The following ZNF536 variants were observed in gnomAD, a reference collection of about 807,000 sequenced individuals.
The protein encoded by ZNF536 is zinc finger protein 536.
ZNF536 carries 13 observed loss-of-function variants against 84.5 expected under a neutral mutation model. The observed-to-expected ratio is 0.15, with a 90% CI of 0.10 to 0.24. The LOEUF is 0.24. ZNF536 is among the 10% of genes least tolerant of loss of function. The pLI is 1.00. For synonymous variants in ZNF536, 811 were observed against 742.5 expected (o/e 1.09, Z -1.50); for missense variants, 1,536 against 1,747.5 (o/e 0.88, Z 2.16).
chr19:30,692,623 C>G (rs984402342), intron 1 of ZNF536, among the ~76,000 whole-genome samples: 9 of 152,240 alleles, frequency 5.9e-5, no homozygotes, highest in African/African-American at 2.2e-4. Context: ...TGGGCGAAAT[C>G]CGTCACGTCT....
At chr19:30,501,034 G>A (rs1412153650) in intron 2 of ZNF536, among the ~76,000 whole-genome samples, 1 of 152,154 alleles carries the variant, frequency 6.6e-6, no homozygotes, top group African/African-American at 2.4e-5. Context: ...TAGAGTTTCA[G>A]CTTTCTTACC....
chr19:30,253,734 G>A (rs944625945), intron 1 of ZNF536, among the ~76,000 whole-genome samples: 1 of 152,086 alleles, frequency 6.6e-6, no homozygotes, highest in African/African-American at 2.4e-5. Flanking sequence ...GTGGGGTGGC[G>A]CCGACAGCTC....
chr19:30,662,537 TG>T (rs58201416), intron 1 of ZNF536, among the ~76,000 whole-genome samples: 246 of 151,744 alleles, frequency 1.6e-3, no homozygotes, highest in Middle Eastern at 3.4e-3. Context: ...CTCCCGCAGA[TG>T]GGGGGGGATA....
intron 2 of ZNF536, among the ~76,000 whole-genome samples, chr19:30,481,734 T>G (rs1181086151): frequency 6.6e-6 from 1 of 152,164 alleles, no homozygotes; most frequent in African/African-American, 2.4e-5. Context: ...ATGGGTAAGT[T>G]GTTTAGTGGT....
chr19:30,318,526 C>G (rs1333694611), intron 2 of ZNF536, among the ~76,000 whole-genome samples: 2 of 152,196 alleles, frequency 1.3e-5, no homozygotes, highest in Non-Finnish European at 2.9e-5. Flanking sequence ...TGCAGAGAGG[C>G]CTTGGAGTTT....
chr19:30,682,504 G>A (rs922834342), intron 1 of ZNF536, among the ~76,000 whole-genome samples: 1 of 152,198 alleles, frequency 6.6e-6, no homozygotes, highest in Non-Finnish European at 1.5e-5. Context: ...GCTGGCAGAA[G>A]GAGGCAATTC....
intron 2 of ZNF536, among the ~76,000 whole-genome samples, chr19:30,487,575 A>G (rs4804932): frequency 0.07 from 10,692 of 151,728 alleles, 479 homozygotes; most frequent in East Asian, 0.18. Context: ...TCTTTTGTCC[A>G]TATGTTTTAT....
chr19:30,405,635 GTGT>G (rs2050232213), intron 1 of ZNF536, among the ~76,000 whole-genome samples: 1 of 152,148 alleles, frequency 6.6e-6, no homozygotes, highest in African/African-American at 2.4e-5. Flanking sequence ...TATGGGCGCA[GTGT>G]TGTAGTCTAG....
intron 2 of ZNF536, among the ~76,000 whole-genome samples, chr19:30,303,063 T>C (rs2046237401): frequency 6.6e-6 from 1 of 152,254 alleles, no homozygotes; most frequent in Non-Finnish European, 1.5e-5. Flanking sequence ...TTGGTGGTTC[T>C]GGCTCAATGG....
At chr19:30,234,227 T>C (rs10407916) in intron 1 of ZNF536, among the ~76,000 whole-genome samples, 97,034 of 151,850 alleles carry the variant, frequency 0.64, 31,077 homozygotes, top group Admixed American at 0.7. Flanking sequence ...CATTACAGCT[T>C]TGATTACCTG....
chr19:30,299,373 G>T (rs1480118647), intron 2 of ZNF536, among the ~76,000 whole-genome samples: 1 of 152,204 alleles, frequency 6.6e-6, no homozygotes, highest in African/African-American at 2.4e-5. Flanking sequence ...AAGACACAAA[G>T]GGATAGCCAA....
intron 1 of ZNF536, among the ~76,000 whole-genome samples, chr19:30,625,984 G>A (rs2048661621): frequency 6.6e-6 from 1 of 152,140 alleles, no homozygotes; most frequent in Non-Finnish European, 1.5e-5. Context: ...TTCCACACAT[G>A]TGGGCAAGAG....
At chr19:30,546,441 G>C (rs904413199) in intron 3 of ZNF536, among the ~76,000 whole-genome samples, 2 of 152,114 alleles carry the variant, frequency 1.3e-5, no homozygotes, top group African/African-American at 4.8e-5. Context: ...ATAGCAACTG[G>C]CACCCTTGTT....
chr19:30,694,454 G>A (rs1315071301), intron 1 of ZNF536, among the ~76,000 whole-genome samples: 5 of 152,164 alleles, frequency 3.3e-5, no homozygotes, highest in African/African-American at 1.2e-4. Context: ...TTAGTTGAGA[G>A]TGGTACAAAG....
At chr19:30,324,998 A>G (rs993075216) in intron 2 of ZNF536, among the ~76,000 whole-genome samples, 2 of 152,190 alleles carry the variant, frequency 1.3e-5, no homozygotes, top group African/African-American at 4.8e-5. Flanking sequence ...ACCCAAAGTC[A>G]TACAATGGGT....
intron 1 of ZNF536, among the ~76,000 whole-genome samples, chr19:30,625,312 T>A (rs920066958): frequency 6.6e-6 from 1 of 152,156 alleles, no homozygotes; most frequent in Non-Finnish European, 1.5e-5. Context: ...AAGCATTGGA[T>A]CTCAAAAATC....
At chr19:30,231,858 G>T (rs2023078510) in intron 1 of ZNF536, among the ~76,000 whole-genome samples, 1 of 152,076 alleles carries the variant, frequency 6.6e-6, no homozygotes. Flanking sequence ...GGTGCTGCCT[G>T]TTAGAAATAC....
At chr19:30,331,350 C>T (rs544250555) in intron 2 of ZNF536, among the ~76,000 whole-genome samples, 56 of 141,800 alleles carry the variant, frequency 3.9e-4, no homozygotes, top group Non-Finnish European at 7.3e-4. Context: ...TGACAGATGA[C>T]CATTTCTTAC....
chr19:30,445,540 G>A lies in ZNF536; in HGVS notation c.1978G>A (p.Glu660Lys), dbSNP rs1437031735. 3 of 1,613,704 alleles carry A rather than the reference G, an allele frequency of 1.9e-6. No homozygotes were observed. The highest frequency in any genetic ancestry group is 1.3e-5 in the African/African-American group (1 of 75,064). Residue 660 changes from glutamate (E) to lysine (K), a missense_variant, in exon 2 of 5, where the codon GAG (glutamate) becomes AAG (lysine). Around this residue, in one of 8 missense-constraint regions of ZNF536, gnomAD observed 366 missense variants for 364.4 expected, o/e 1.00. Transcript: ENST00000355537. The surrounding 1 kb of genome is among the most constrained non-coding windows in gnomAD (Gnocchi z 4.5). ...SRVHKRDRKG[E>K]EDGLHVGLDE... ...TGTCCACAAGCGGGACCGCAAGGGC[G>A]AGGAGGATGGGCTGCACGTGGGCCT... is the stretch of plus-strand genomic sequence containing the variant.
Sources: gnomAD v4.1 joint callset for allele counts (sites outside exome capture counted in the v4.1 genomes callset) on GRCh38, gnomAD v4.1.1 for gene constraint, gnomAD v4.1.1 regional missense constraint, Gnocchi (gnomAD v3.1) non-coding constraint, MANE v1.5 for transcripts, NCBI Gene and HGNC (gene_info 2026-07-23, HGNC 2026-07-21) for gene names.